MAP7: variants seen among roughly 807,000 people sequenced by gnomAD.
MAP7 encodes microtubule associated protein 7, also known as ensconsin.
A neutral mutation model predicts 94.8 loss-of-function variants in MAP7; 52 were observed. The observed-to-expected ratio is 0.55, with a 90% CI of 0.44 to 0.69. The LOEUF is 0.69. Among genes scored for constraint, MAP7 ranks in the 30% least tolerant of loss-of-function variants. MAP7 has a pLI of 0.00. For missense variants in MAP7, 940 were observed against 964.6 expected (o/e 0.97, Z 0.34); for synonymous variants, 350 against 357.0 (o/e 0.98, Z 0.22).
At chr6:136,471,346 T>C (rs1440060038) in intron 1 of MAP7, among the ~76,000 whole-genome samples, 1 of 152,200 alleles carries the variant, frequency 6.6e-6, no homozygotes, top group East Asian at 1.9e-4. Flanking sequence ...CCCTTCTTAA[T>C]CGTAGTTCTT....
chr6:136,347,942 A>G (rs1037379113), intron 16 of MAP7, among the ~76,000 whole-genome samples: 4 of 152,076 alleles, frequency 2.6e-5, no homozygotes, highest in Non-Finnish European at 4.4e-5. Flanking sequence ...CTATTTTACT[A>G]AGAAGGGAAG....
intron 1 of MAP7, among the ~76,000 whole-genome samples, chr6:136,513,785 C>G (rs1411388469): frequency 6.6e-6 from 1 of 152,166 alleles, no homozygotes; most frequent in Non-Finnish European, 1.5e-5. Context: ...TCCTGTGGAA[C>G]ATGGGCCATA....
At chr6:136,528,845 A>AT (rs1187753260) in intron 1 of MAP7, among the ~76,000 whole-genome samples, 10 of 152,048 alleles carry the variant, frequency 6.6e-5, no homozygotes, top group Non-Finnish European at 2.9e-5. Flanking sequence ...ACAATAAAGG[A>AT]TTTTTTTCCT....
chr6:136,349,476 C>T (rs1438980868), intron 16 of MAP7, among the ~76,000 whole-genome samples: 3 of 152,206 alleles, frequency 2.0e-5, no homozygotes, highest in Non-Finnish European at 2.9e-5. Flanking sequence ...TGGGCTCAGG[C>T]GATCCTCCCG....
intron 2 of MAP7, among the ~76,000 whole-genome samples, chr6:136,413,157 G>A (rs959528123): frequency 4.6e-5 from 7 of 151,866 alleles, no homozygotes; most frequent in South Asian, 4.1e-4. Flanking sequence ...GCAAGACTCT[G>A]TCTCCAAAAA....
At chr6:136,375,836 G>A (rs1775959695) in intron 7 of MAP7, among the ~76,000 whole-genome samples, 1 of 152,176 alleles carries the variant, frequency 6.6e-6, no homozygotes, top group Non-Finnish European at 1.5e-5. Context: ...TAAAGAGCCG[G>A]TTTGCAGATA....
At chr6:136,460,000 T>C (rs1035933723) in intron 1 of MAP7, among the ~76,000 whole-genome samples, 2 of 152,164 alleles carry the variant, frequency 1.3e-5, no homozygotes, top group Non-Finnish European at 2.9e-5. Context: ...CATGAAAAAG[T>C]TCAAAATTGT....
chr6:136,402,905 C>CAAAAA (rs57114676), intron 3 of MAP7, among the ~76,000 whole-genome samples: 68 of 67,390 alleles, frequency 1.0e-3, no homozygotes, highest in Non-Finnish European at 1.3e-3. Context: ...GACTCTGTCT[C>CAAAAA]AAAAAAAAAA....
intron 1 of MAP7, among the ~76,000 whole-genome samples, chr6:136,502,598 G>A (rs763800033): frequency 3.3e-5 from 5 of 152,194 alleles, no homozygotes; most frequent in Non-Finnish European, 7.3e-5. Context: ...ACTGGTTTGT[G>A]AGCACATCAG....
At chr6:136,440,037 G>GCA (rs1797393758) in intron 1 of MAP7, among the ~76,000 whole-genome samples, 1 of 152,152 alleles carries the variant, frequency 6.6e-6, no homozygotes, top group Non-Finnish European at 1.5e-5. Flanking sequence ...AGGTTAGCTT[G>GCA]GTTGGCTAGA....
intron 1 of MAP7, among the ~76,000 whole-genome samples, chr6:136,518,138 G>A (rs1056503202): frequency 2.0e-5 from 3 of 152,094 alleles, no homozygotes; most frequent in Admixed American, 6.6e-5. Context: ...GACAGGTTCT[G>A]CTGAATCTTC....
At chr6:136,519,585 C>T (rs1245471396) in intron 1 of MAP7, among the ~76,000 whole-genome samples, 1 of 152,136 alleles carries the variant, frequency 6.6e-6, no homozygotes, top group Non-Finnish European at 1.5e-5. Flanking sequence ...ATGGTAAACA[C>T]TAGATTATAT....
chr6:136,474,966 T>G (rs1034276415), intron 1 of MAP7, among the ~76,000 whole-genome samples: 14 of 152,164 alleles, frequency 9.2e-5, no homozygotes, highest in Admixed American at 8.5e-4. Context: ...TCTGCCCACC[T>G]CAGTTTCCCA....
chr6:136,549,111 A>G (rs1042442352), intron 1 of MAP7, among the ~76,000 whole-genome samples: 2 of 152,110 alleles, frequency 1.3e-5, no homozygotes, highest in Non-Finnish European at 1.5e-5. Context: ...TACGTACCCA[A>G]CCTCTTCCTA....
intron 2 of MAP7, among the ~76,000 whole-genome samples, chr6:136,412,949 TGAG>T (rs1787964036): frequency 6.6e-6 from 1 of 151,892 alleles, no homozygotes; most frequent in Non-Finnish European, 1.5e-5. Context: ...TTGCCTGAGC[TGAG>T]GAGTTCGAGA....
chr6:136,428,730 T>C (rs1794023677), intron 1 of MAP7, among the ~76,000 whole-genome samples: 1 of 152,176 alleles, frequency 6.6e-6, no homozygotes, highest in South Asian at 2.1e-4. Context: ...ATTCTGAGCT[T>C]AAACAGTCTC....
At chr6:136,356,859 A>G in intron 15 of MAP7, 65 bp from the exon 16 acceptor site, 2 of 1,309,192 alleles carry the variant, frequency 1.5e-6, no homozygotes, top group Non-Finnish European at 2.2e-6. Flanking sequence ...CTAACCTCCA[A>G]GAGCCAGAAT....
chr6:136,539,750 A>G (rs1406941648), intron 1 of MAP7, among the ~76,000 whole-genome samples: 1 of 152,182 alleles, frequency 6.6e-6, no homozygotes, highest in Non-Finnish European at 1.5e-5. Flanking sequence ...AGGCTGAGGC[A>G]GGAGGATTGC....
chr6:136,411,698 C>T lies in MAP7; in HGVS notation c.167-1G>A. The T allele has an allele frequency of 6.4e-7, 1 of 1,557,174 alleles. No individual in the cohort carries two copies. Among genetic ancestry groups the T allele is most frequent in the East Asian group, 2.4e-5 (1 of 41,822 alleles). ...TCAACACGTAACACAGGCGGAGGGTCTGAAAGCGAGATTAAAAAAAACATG... is the reference window on the plus strand; with the variant it reads ...TCAACACGTAACACAGGCGGAGGGTTTGAAAGCGAGATTAAAAAAAACATG... On this transcript the variant is annotated splice_acceptor_variant, in intron 2 of 17. Coordinates refer to ENST00000354570, the MANE Select transcript of MAP7 (RefSeq NM_003980.6). LOFTEE classifies it high-confidence loss of function.
Sources: gnomAD v4.1 joint callset for allele counts (sites outside exome capture counted in the v4.1 genomes callset) on GRCh38, gnomAD v4.1.1 for gene constraint, MANE v1.5 for transcripts, NCBI Gene and HGNC (gene_info 2026-07-23, HGNC 2026-07-21) for gene names.